VAMP5: variants seen among roughly 807,000 people sequenced by gnomAD.
The protein encoded by VAMP5 is vesicle associated membrane protein 5.
VAMP5 carries 10 observed loss-of-function variants against 8.1 expected under a neutral mutation model. The ratio of observed to expected loss-of-function variants is 1.23; its 90% CI spans 0.76 to 2.09. The LOEUF is 2.09. Among genes scored for constraint, VAMP5 ranks in the 30% most tolerant of loss-of-function variants. The pLI, the probability that VAMP5 is intolerant of heterozygous loss-of-function variation, is 0.00. For missense variants in VAMP5, 135 were observed against 152.5 expected, an observed-to-expected ratio of 0.89 and a Z score of 0.60; for synonymous variants, 62 against 60.6, an observed-to-expected ratio of 1.02 and a Z score of -0.11.
chr2:85,593,125 G>A lies in VAMP5; in HGVS notation c.319G>A (p.Asp107Asn). 1.9e-6 allele frequency: 3 copies of A among 1,614,224 alleles called. No individual in the cohort carries two copies. The highest frequency in any genetic ancestry group is 2.5e-6 in the Non-Finnish European group (3 of 1,180,034). Reference protein sequence around the residue: ...SDSSSAPRTQDAGIASGPGN With the variant: ...SDSSSAPRTQNAGIASGPGN ...CAGCAGTAGTGCCCCACGGACCCAG[G>A]ATGCAGGCATTGCCTCAGGGCCTGG... The change falls in exon 3 of 3, where the codon GAT becomes AAT. Residue 107 changes from aspartate (D) to asparagine (N), a missense_variant. By Grantham distance (23) the Asp-to-Asn change is conservative. Transcript: ENST00000306384.
At chr2:85,586,709 C>T (rs747502834) in intron 1 of VAMP5, among the ~76,000 whole-genome samples, 6 of 152,152 alleles carry the variant, frequency 3.9e-5, no homozygotes, top group Non-Finnish European at 7.4e-5. Flanking sequence ...GAGTATGTGC[C>T]CATTGGATGG....
intron 1 of VAMP5, among the ~76,000 whole-genome samples, chr2:85,587,864 CTT>C (rs1366840219): frequency 6.6e-6 from 1 of 152,162 alleles, no homozygotes; most frequent in East Asian, 1.9e-4. Flanking sequence ...TGAGTGCCGA[CTT>C]AGGGAGGCAA....
At chr2:85,590,444 TG>T (rs1672523384) in intron 1 of VAMP5, among the ~76,000 whole-genome samples, 2 of 152,282 alleles carry the variant, frequency 1.3e-5, no homozygotes, top group South Asian at 4.2e-4. Flanking sequence ...GTGGTCCAGC[TG>T]GGGAGATAGG....
chr2:85,591,583 C>T (rs969521557), intron 1 of VAMP5, 142 bp from the exon 2 acceptor site: 2 of 1,283,506 alleles, frequency 1.6e-6, no homozygotes, highest in East Asian at 2.5e-5. Flanking sequence ...TCACTCCGCA[C>T]ACATCATACC....
rs1182993684 is a variant in VAMP5 at position 85,593,064 on chromosome 2, T to G, written c.258T>G (p.Ile86Met). ...TTGGTGTCCTGCTCATCATCCTGAT[T>G]GTGCTGCTGGTCGTCTTTCTCCCTC... ...VVVGVLLIIL[I>M]VLLVVFLPQS... Residue 86 changes from isoleucine to methionine, a missense_variant, in exon 3 of 3, where the codon ATT (isoleucine) becomes ATG (methionine). Physicochemically the swap from Ile to Met is conservative, Grantham distance 10. Transcript: ENST00000306384. 6.2e-7 allele frequency: 1 copy of G among 1,614,226 alleles called. No individual in the cohort carries two copies. The highest frequency in any genetic ancestry group is 8.5e-7 in the Non-Finnish European group (1 of 1,180,038).
At chr2:85,586,158 A>T (rs1207253686) in intron 1 of VAMP5, among the ~76,000 whole-genome samples, 1 of 152,152 alleles carries the variant, frequency 6.6e-6, no homozygotes, top group East Asian at 1.9e-4. Flanking sequence ...CCTGCATCTA[A>T]TTTAGCACAC....
chr2:85,588,085 G>C (rs1451546258), intron 1 of VAMP5, among the ~76,000 whole-genome samples: 1 of 152,132 alleles, frequency 6.6e-6, no homozygotes, highest in East Asian at 1.9e-4. Flanking sequence ...TGCCTCCTAG[G>C]TTCAAGCAAT....
chr2:85,584,716 A>T (rs577859573), intron 1 of VAMP5, among the ~76,000 whole-genome samples: 10 of 152,256 alleles, frequency 6.6e-5, no homozygotes, highest in Admixed American at 5.2e-4. Flanking sequence ...TGCACCGCGC[A>T]GAGCGAGCGG....
chr2:85,585,666 T>C (rs536744019), intron 1 of VAMP5, among the ~76,000 whole-genome samples: 10 of 152,238 alleles, frequency 6.6e-5, no homozygotes, highest in East Asian at 1.9e-4. Context: ...GGATATTTTA[T>C]TGGGGGAGGA....
intron 2 of VAMP5, 85 bp downstream of exon 2, chr2:85,591,947 G>A: frequency 1.9e-6 from 3 of 1,577,008 alleles, no homozygotes; most frequent in Non-Finnish European, 2.6e-6. Context: ...CCAGTTCCTT[G>A]GTGGGGTTGA....
chr2:85,590,492 A>G (rs986142631), intron 1 of VAMP5, among the ~76,000 whole-genome samples: 1 of 152,196 alleles, frequency 6.6e-6, no homozygotes, highest in Admixed American at 6.5e-5. Context: ...CTGTATACCA[A>G]GCAGCTGCAA....
At chr2:85,587,841 C>G (rs1247594839) in intron 1 of VAMP5, among the ~76,000 whole-genome samples, 1 of 152,178 alleles carries the variant, frequency 6.6e-6, no homozygotes, top group Non-Finnish European at 1.5e-5. Flanking sequence ...AGCCCTGCTC[C>G]TAGTCTCTGA....
rs749694257 is a variant in VAMP5 at position 85,593,079 on chromosome 2, C to T, written c.273C>T (p.Val91=). The part of the protein sequence containing the change: ...LLIILIVLLV[V]FLPQSSDSSS... ...TCATCCTGATTGTGCTGCTGGTCGT[C>T]TTTCTCCCTCAGAGCAGTGACAGCA... Residue 91 remains valine (V), a synonymous_variant, in exon 3 of 3, where the codon GTC becomes GTT. Coordinates refer to ENST00000306384, the MANE Select transcript of VAMP5 (RefSeq NM_006634.3). 1 of 1,614,238 alleles carries T rather than the reference C, an allele frequency of 6.2e-7. No individual in the cohort carries two copies. Among genetic ancestry groups the T allele is most frequent in the South Asian group, 1.1e-5 (1 of 91,084 alleles).
At chr2:85,586,828 T>G (rs1490313122) in intron 1 of VAMP5, among the ~76,000 whole-genome samples, 3 of 152,078 alleles carry the variant, frequency 2.0e-5, no homozygotes, top group Non-Finnish European at 4.4e-5. Flanking sequence ...TCCCAGCACT[T>G]TGAGAGAGAG....
At chr2:85,592,011 C>G in intron 2 of VAMP5, 149 bp downstream of exon 2, 1 of 1,200,904 alleles carries the variant, frequency 8.3e-7, no homozygotes, top group South Asian at 1.5e-5. Flanking sequence ...CACCCATAGC[C>G]TAGACATGCA....
chr2:85,591,970 G>A (rs1298626267), intron 2 of VAMP5, 108 bp downstream of exon 2: 10 of 1,516,384 alleles, frequency 6.6e-6, no homozygotes, highest in Non-Finnish European at 8.9e-6. Context: ...CCTTCTTGAG[G>A]GCCAGTGTGG....
intron 2 of VAMP5, 33 bp from the exon 3 acceptor site, chr2:85,592,915 T>C: frequency 6.2e-7 from 1 of 1,609,284 alleles, no homozygotes; most frequent in Non-Finnish European, 8.5e-7. Context: ...GGGTGCCAGC[T>C]AACTCCCACT....
intron 2 of VAMP5, among the ~76,000 whole-genome samples, chr2:85,592,685 C>T (rs1672558995): frequency 6.6e-6 from 1 of 151,684 alleles, no homozygotes; most frequent in Non-Finnish European, 1.5e-5. Flanking sequence ...CCTGTAGTCC[C>T]AGCTACTAGG....
In VAMP5 at chr2:85,591,551, ACT is replaced by A. The variant is rs753798795; in HGVS notation, c.4-172_4-171del. The A allele has an allele frequency of 1.3e-4, 116 of 927,330 alleles. 2 individuals carry two copies. In the South Asian group the frequency reaches 2.0e-3, roughly 16 times the overall value. The allele number at this position is 927,330 out of a possible 1,614,324, so 57.4% of individuals were successfully genotyped here. A position where few individuals can be genotyped will look rare whatever the true frequency, so the allele number is the denominator to read the frequency against. On this transcript the variant is annotated intron_variant, in intron 1 of 2. Coordinates refer to ENST00000306384, the MANE Select transcript of VAMP5 (RefSeq NM_006634.3). ...GCCTGTGAGACTTAAGGTGTGCCGCACTCACCCCGAAGGCCAGACCTTCACTC... is the reference window on the plus strand; with the variant it reads ...GCCTGTGAGACTTAAGGTGTGCCGCACACCCCGAAGGCCAGACCTTCACTC...
Sources: allele counts gnomAD v4.1 joint callset (sites outside exome capture counted in the v4.1 genomes callset), GRCh38; gene constraint gnomAD v4.1.1; transcripts MANE v1.5; gene names NCBI Gene and HGNC (gene_info 2026-07-23, HGNC 2026-07-21).